XPOT: variants seen among roughly 807,000 people sequenced by gnomAD.
XPOT encodes the protein exportin for tRNA, also known as exportin-T.
Under a neutral mutation model 128.2 loss-of-function variants are expected in XPOT, and 34 were observed. The observed-to-expected ratio is 0.27, with a 90% CI of 0.20 to 0.35. The LOEUF (loss-of-function observed/expected upper bound fraction) is 0.35, where lower values mean the gene tolerates loss of function less well. Ranked by LOEUF, XPOT falls within the 10% of genes least tolerant of loss-of-function variation. The pLI is 1.00. For missense variants in XPOT, 838 were observed against 1,125.3 expected, an observed-to-expected ratio of 0.74 and a Z score of 3.65; for synonymous variants, 348 against 394.3, an observed-to-expected ratio of 0.88 and a Z score of 1.39.
intron 16 of XPOT, 71 bp from the exon 17 acceptor site, chr12:64,429,978 A>G: frequency 7.4e-7 from 1 of 1,353,120 alleles, no homozygotes; most frequent in Non-Finnish European, 1.0e-6. Flanking sequence ...CCTGTTCCTA[A>G]TGCACTTTTT....
chr12:64,405,739 C>T (rs2039974643), intron 1 of XPOT, among the ~76,000 whole-genome samples: 1 of 152,106 alleles, frequency 6.6e-6, no homozygotes, highest in Non-Finnish European at 1.5e-5. Flanking sequence ...CAGCCTCAGC[C>T]TCCCGAGTAG....
intron 21 of XPOT, 128 bp downstream of exon 21, chr12:64,435,037 C>CT (rs1006883305): frequency 4.0e-6 from 3 of 756,906 alleles, no homozygotes; most frequent in East Asian, 2.8e-5. Context: ...GATCAGGGTT[C>CT]TTTTTTTAAA....
rs6581565 is a variant in XPOT at position 64,445,142 on chromosome 12, G to C, written c.2862+11G>C. ...AAAAATTACTTAAAGGTAGGTATTT[G>C]TGAAGCTCACGTATCTTCATACAAT... On this transcript the variant is annotated intron_variant, in intron 24 of 24. Transcript: ENST00000332707. 2 of 1,604,204 alleles carry C rather than the reference G, an allele frequency of 1.2e-6. No individual in the cohort carries two copies. The highest frequency in any genetic ancestry group is 1.7e-5 in the Admixed American group (1 of 58,838).
At chr12:64,439,355 C>T (rs780216185) in intron 23 of XPOT, 40 bp downstream of exon 23, 1 of 1,547,154 alleles carries the variant, frequency 6.5e-7, no homozygotes, top group East Asian at 2.2e-5. Flanking sequence ...CGAGAGATCA[C>T]AGTAGTAGCA....
At chr12:64,414,568 T>G (rs2040069873) in intron 2 of XPOT, among the ~76,000 whole-genome samples, 1 of 152,156 alleles carries the variant, frequency 6.6e-6, no homozygotes, top group African/African-American at 2.4e-5. Flanking sequence ...CACCCTTAAC[T>G]CATCCTCTGC....
Position 64,420,219 on chromosome 12 carries a change from C to T in XPOT, c.639C>T (p.Val213=). The change falls in exon 7 of 25, where the codon GTC becomes GTT. Residue 213 remains valine (V), a synonymous_variant. Transcript: ENST00000332707. Reference sequence around the variant, plus strand: ...GCCTTGAAGTAGTTGGGGCTTATGTCTCTTGGATAGACTTATCCCTTATAG... The same window carrying T: ...GCCTTGAAGTAGTTGGGGCTTATGTTTCTTGGATAGACTTATCCCTTATAG... ...CQCLEVVGAY[V]SWIDLSLIAN... The T allele has an allele frequency of 6.2e-7, 1 of 1,607,552 alleles. No individual in the cohort carries two copies. The highest frequency in any genetic ancestry group is 1.3e-5 in the African/African-American group (1 of 74,712).
chr12:64,413,885 C>T (rs1396192234), intron 2 of XPOT, among the ~76,000 whole-genome samples: 3 of 152,172 alleles, frequency 2.0e-5, no homozygotes, highest in Non-Finnish European at 4.4e-5. Context: ...TTGTTCAGGA[C>T]CCATAAACTG....
At chr12:64,406,658 G>C (rs1344150001) in intron 1 of XPOT, among the ~76,000 whole-genome samples, 3 of 152,134 alleles carry the variant, frequency 2.0e-5, no homozygotes. Flanking sequence ...TTATAGGCGT[G>C]AGCCACCCTG....
intron 6 of XPOT, 65 bp from the exon 7 acceptor site, chr12:64,420,005 A>G (rs111725602): frequency 8.4e-6 from 12 of 1,434,114 alleles, no homozygotes; most frequent in African/African-American, 7.2e-5. Context: ...CTCTGCAAGT[A>G]TATTCAGATA....
At chr12:64,419,309 T>G (rs1176917240) in intron 6 of XPOT, among the ~76,000 whole-genome samples, 1 of 152,014 alleles carries the variant, frequency 6.6e-6, no homozygotes, top group Non-Finnish European at 1.5e-5. Flanking sequence ...AAGTATTACA[T>G]TACATTTTTT....
chr12:64,437,129 C>T (rs2040289227), intron 22 of XPOT, among the ~76,000 whole-genome samples: 1 of 152,142 alleles, frequency 6.6e-6, no homozygotes, highest in African/African-American at 2.4e-5. Flanking sequence ...CTGATAGAGA[C>T]TTGAAGTGTT....
chr12:64,438,788 C>T (rs2040302832), intron 22 of XPOT, among the ~76,000 whole-genome samples: 2 of 152,012 alleles, frequency 1.3e-5, no homozygotes, highest in Non-Finnish European at 2.9e-5. Flanking sequence ...CCATGATGCC[C>T]AGCTAATTTT....
intron 9 of XPOT, among the ~76,000 whole-genome samples, chr12:64,422,157 A>C (rs2040144494): frequency 6.6e-6 from 1 of 152,238 alleles, no homozygotes; most frequent in African/African-American, 2.4e-5. Context: ...AAGAACTTGT[A>C]GGTGGTGTTA....
At chr12:64,439,640 C>A (rs1319054246) in intron 23 of XPOT, among the ~76,000 whole-genome samples, 1 of 152,072 alleles carries the variant, frequency 6.6e-6, no homozygotes, top group African/African-American at 2.4e-5. Context: ...TCTAAAGGAG[C>A]CTAATAGGCT....
chr12:64,412,408 A>G (rs2040046837), intron 2 of XPOT, among the ~76,000 whole-genome samples: 1 of 152,164 alleles, frequency 6.6e-6, no homozygotes. Context: ...TGACATTTCT[A>G]GCAGCTGAAA....
chr12:64,441,038 C>T (rs1350201206), intron 23 of XPOT, among the ~76,000 whole-genome samples: 1 of 152,072 alleles, frequency 6.6e-6, no homozygotes, highest in Non-Finnish European at 1.5e-5. Context: ...AAGCTTTTCT[C>T]CTATGTTTTC....
intron 5 of XPOT, 91 bp from the exon 6 acceptor site, chr12:64,418,785 T>G: frequency 9.3e-7 from 1 of 1,080,492 alleles, no homozygotes; most frequent in Non-Finnish European, 1.4e-6. Context: ...TGTTGACATT[T>G]GATGAAACTT....
intron 11 of XPOT, among the ~76,000 whole-genome samples, chr12:64,424,018 T>G (rs1393604861): frequency 6.6e-6 from 1 of 152,162 alleles, no homozygotes; most frequent in African/African-American, 2.4e-5. Flanking sequence ...CTAAGCTTTG[T>G]TCTAAAGTGT....
At chr12:64,430,333 A>G (rs1565800998) in intron 17 of XPOT, 46 bp downstream of exon 17, 1 of 1,407,430 alleles carries the variant, frequency 7.1e-7, no homozygotes, top group Non-Finnish European at 9.6e-7. Context: ...GTATCTACAC[A>G]GACAGAACCA....
Sources: gnomAD v4.1 joint callset for allele counts (sites outside exome capture counted in the v4.1 genomes callset) on GRCh38, gnomAD v4.1.1 for gene constraint, MANE v1.5 for transcripts, NCBI Gene and HGNC (gene_info 2026-07-23, HGNC 2026-07-21) for gene names.